Variants in DTD1 observed in about 807,000 individuals in gnomAD.
The protein encoded by DTD1 is D-aminoacyl-tRNA deacylase 1, also known as D-tyrosyl-tRNA deacylase 1 homolog.
In DTD1, 13 loss-of-function variants were observed where a neutral mutation model predicts 25.6. The observed-to-expected ratio is 0.51, with a 90% CI of 0.33 to 0.81. The LOEUF (loss-of-function observed/expected upper bound fraction) is 0.81, where lower values mean the gene tolerates loss of function less well. DTD1 is among the 30% of genes least tolerant of loss of function. DTD1 has a pLI of 0.02. For missense variants in DTD1, 193 were observed against 266.4 expected, an observed-to-expected ratio of 0.72 and a Z score of 1.92; for synonymous variants, 110 against 103.6, an observed-to-expected ratio of 1.06 and a Z score of -0.37.
rs868148836 is a variant in DTD1, at chr20:18,593,800, C to T, written c.113C>T (p.Thr38Met). The T allele has an allele frequency of 3.1e-6, 5 of 1,613,548 alleles. No homozygotes were observed. Among genetic ancestry groups the T allele is most frequent in the East Asian group, 2.2e-5 (1 of 44,870 alleles). ...CVLLGISLED[T>M]QKELEHMVRK... ...TTGCTGGGTATTTCCCTGGAGGATA[C>T]GCAGAAGGAACTGGAACACATGTAA... The change falls in exon 2 of 6, where the codon ACG becomes ATG. Residue 38 changes from threonine to methionine, a missense_variant. Physicochemically the swap from Thr to Met is moderately conservative, Grantham distance 81 (BLOSUM62 -1). Transcript: ENST00000377452.
chr20:18,701,854 T>G (rs564674315), intron 4 of DTD1, among the ~76,000 whole-genome samples: 92 of 152,382 alleles, frequency 6.0e-4, no homozygotes, highest in African/African-American at 2.1e-3. Context: ...TTTGTCCTTC[T>G]GTCAGATAAA....
At position 18,718,595 on chromosome 20, in the gene DTD1, G is replaced by A. The variant is rs188233478; in HGVS notation, c.478-25505G>A. 5.3e-5 allele frequency among the ~76,000 whole-genome samples: 8 copies of A among 152,316 alleles called. No individual in the cohort carries two copies. The East Asian group carries it at 1.5e-3, about 29-fold the overall frequency. ...AATGTGTACTATGCAATGCTATATAGATTATATAAGGTTGAACCATATGAA... is the reference window on the plus strand; with the variant it reads ...AATGTGTACTATGCAATGCTATATAAATTATATAAGGTTGAACCATATGAA... On this transcript the variant is annotated intron_variant, in intron 4 of 5. Transcript: ENST00000377452.
chr20:18,706,694 C>G (rs2061127803), intron 4 of DTD1, among the ~76,000 whole-genome samples: 1 of 152,126 alleles, frequency 6.6e-6, no homozygotes, highest in Non-Finnish European at 1.5e-5. Flanking sequence ...AGAAAATGAC[C>G]TTTTACTTGT....
At chr20:18,678,966 C>T (rs1353440321) in intron 4 of DTD1, 2 of 152,188 alleles carry the variant, frequency 1.3e-5, no homozygotes, top group Non-Finnish European at 2.9e-5. Context: ...GTTGTCTGGT[C>T]ATCCATTAGA....
chr20:18,743,419 C>G (rs1423166631), intron 4 of DTD1, among the ~76,000 whole-genome samples: 1 of 152,142 alleles, frequency 6.6e-6, no homozygotes, highest in Non-Finnish European at 1.5e-5. Context: ...CGTGGTGTGG[C>G]ATGGTGGCTC....
chr20:18,628,373 G>T (rs77499464), intron 4 of DTD1, 140 bp downstream of exon 4: 738 of 664,522 alleles, frequency 1.1e-3, no homozygotes, highest in Non-Finnish European at 1.6e-3. Context: ...TCCCAAGAGT[G>T]CATGTTTACG....
rs115023371 is a variant in DTD1 at position 18,595,011 on chromosome 20, A to G, written c.135-995A>G. On this transcript the variant is annotated intron_variant, in intron 2 of 5. Coordinates refer to ENST00000377452, the MANE Select transcript of DTD1 (RefSeq NM_080820.6). ...AACTGTCATCTACTTAACATCATCC[A>G]GAAGGGTGGCTCTCAAATGGTGAGA... Among the ~76,000 whole-genome samples, 404 of 152,330 alleles carry G rather than the reference A, an allele frequency of 2.7e-3. 2 individuals carry two copies. The highest frequency in any genetic ancestry group is 9.3e-3 in the African/African-American group (388 of 41,584).
intron 4 of DTD1, among the ~76,000 whole-genome samples, chr20:18,712,849 C>T (rs1184304736): frequency 6.6e-6 from 1 of 152,234 alleles, no homozygotes; most frequent in Non-Finnish European, 1.5e-5. Context: ...TCCTTCAGCT[C>T]CCCCAAATCC....
chr20:18,694,568 C>G (rs35093410), intron 4 of DTD1, among the ~76,000 whole-genome samples: 21,862 of 152,098 alleles, frequency 0.14, 1,687 homozygotes, highest in Admixed American at 0.2. Flanking sequence ...GGTTCGGAAG[C>G]TAATAAGCAA....
intron 3 of DTD1, among the ~76,000 whole-genome samples, chr20:18,616,446 G>A (rs1403752907): frequency 2.0e-5 from 3 of 152,028 alleles, no homozygotes; most frequent in African/African-American, 7.2e-5. Context: ...ACAGCAACCT[G>A]ATCTTGCCAG....
At chr20:18,644,226 C>T (rs1600340119) in intron 4 of DTD1, among the ~76,000 whole-genome samples, 1 of 50,690 alleles carries the variant, frequency 2.0e-5, no homozygotes, top group African/African-American at 4.7e-5. Flanking sequence ...TGAAGTATTT[C>T]AAACATACTA....
intron 4 of DTD1, among the ~76,000 whole-genome samples, chr20:18,701,211 G>T (rs990934891): frequency 6.6e-6 from 1 of 152,122 alleles, no homozygotes; most frequent in Non-Finnish European, 1.5e-5. Flanking sequence ...CTGTGGGTGG[G>T]CACTCTGGGC....
intron 4 of DTD1, among the ~76,000 whole-genome samples, chr20:18,701,963 T>C (rs1012916235): frequency 1.3e-5 from 2 of 152,242 alleles, no homozygotes; most frequent in East Asian, 3.8e-4. Context: ...AGAGCTAATA[T>C]ACAGTGCGAT....
rs2061315673 is a variant in DTD1 at position 18,749,921 on chromosome 20, T to C, written c.*19+5650T>C. On this transcript the variant is annotated intron_variant, in intron 5 of 5. Coordinates refer to ENST00000377452, the MANE Select transcript of DTD1 (RefSeq NM_080820.6). This position sits in a 1 kb window ranked among gnomAD's most constrained non-coding sequence, Gnocchi z 4.2. ...CACGTTTTGTTTATACCGATGTATA[T>C]GGTACTGTCTGGGTTTTGGACAAAG... 1.3e-5 allele frequency among the ~76,000 whole-genome samples: 2 copies of C among 152,230 alleles called. No individual in the cohort carries two copies. The highest frequency in any genetic ancestry group is 4.8e-5 in the African/African-American group (2 of 41,468).
intron 4 of DTD1, among the ~76,000 whole-genome samples, chr20:18,739,375 C>T (rs1345903857): frequency 2.6e-5 from 4 of 152,204 alleles, no homozygotes; most frequent in African/African-American, 4.8e-5. Context: ...TTTTGGCACA[C>T]GTGTTCCCAA....
intron 5 of DTD1, among the ~76,000 whole-genome samples, chr20:18,745,906 G>A (rs2061298050): frequency 1.3e-5 from 2 of 152,174 alleles, no homozygotes; most frequent in African/African-American, 4.8e-5. Flanking sequence ...GAGCAGCTTT[G>A]GGGAGTGAGG....
chr20:18,754,056 T>TA (rs1022307586), intron 5 of DTD1, among the ~76,000 whole-genome samples: 106 of 146,150 alleles, frequency 7.3e-4, no homozygotes, highest in Middle Eastern at 7.0e-3. Context: ...AATAAATAGG[T>TA]AAAAAAAAAA....
At chr20:18,695,869 G>A (rs753660510) in intron 4 of DTD1, among the ~76,000 whole-genome samples, 15 of 151,776 alleles carry the variant, frequency 9.9e-5, no homozygotes, top group Non-Finnish European at 2.2e-4. Context: ...TAGAGATGGG[G>A]TTCTCACTAT....
chr20:18,698,037 A>G (rs1167599596), intron 4 of DTD1, among the ~76,000 whole-genome samples: 3 of 152,214 alleles, frequency 2.0e-5, no homozygotes, highest in Non-Finnish European at 4.4e-5. Flanking sequence ...CTTTATTCTG[A>G]TAATACTTTT....
Sources: allele counts gnomAD v4.1 joint callset (sites outside exome capture counted in the v4.1 genomes callset), GRCh38; gene constraint gnomAD v4.1.1; non-coding constraint Gnocchi (gnomAD v3.1); transcripts MANE v1.5; gene names NCBI Gene and HGNC (gene_info 2026-07-23, HGNC 2026-07-21).